G3BP2: variants seen among roughly 807,000 people sequenced by gnomAD.
G3BP2 encodes ras GTPase-activating protein-binding protein 2.
Under a neutral mutation model 56.7 loss-of-function variants are expected in G3BP2, and 11 were observed. The observed-to-expected ratio is 0.19, with a 90% confidence interval of 0.12 to 0.32. The LOEUF (loss-of-function observed/expected upper bound fraction) is 0.32, where lower values mean the gene tolerates loss of function less well. Among genes scored for constraint, G3BP2 ranks in the 10% least tolerant of loss-of-function variants. G3BP2 has a pLI of 1.00. For synonymous variants in G3BP2, 165 were observed against 191.6 expected (o/e 0.86, Z 1.15); for missense variants, 340 against 610.9 (o/e 0.56, Z 4.67).
intron 1 of G3BP2, among the ~76,000 whole-genome samples, chr4:75,668,643 G>T (rs560542042): frequency 6.6e-6 from 1 of 152,170 alleles, no homozygotes; most frequent in Non-Finnish European, 1.5e-5. Context: ...AAAAAAGTAA[G>T]ATTAGGCCAT....
intron 3 of G3BP2, among the ~76,000 whole-genome samples, chr4:75,685,501 A>C (rs1430788984): frequency 1.3e-5 from 1 of 79,936 alleles, no homozygotes; most frequent in East Asian, 2.3e-4. Context: ...ACTCCGTCTC[A>C]AAAAAAAAAA....
At chr4:75,656,560 G>T (rs1013873316) in intron 5 of G3BP2, among the ~76,000 whole-genome samples, 8 of 151,936 alleles carry the variant, frequency 5.3e-5, no homozygotes, top group Non-Finnish European at 1.0e-4. Context: ...AACATAGACA[G>T]CCAACAAAGA....
chr4:75,696,200 A>G (rs533661317), intron 3 of G3BP2, among the ~76,000 whole-genome samples: 31 of 152,288 alleles, frequency 2.0e-4, no homozygotes, highest in Non-Finnish European at 3.8e-4. Context: ...GCAAGGGGTT[A>G]AGAGAGTAGG....
intron 1 of G3BP2, among the ~76,000 whole-genome samples, chr4:75,665,378 T>C (rs1732925705): frequency 6.6e-6 from 1 of 152,216 alleles, no homozygotes; most frequent in African/African-American, 2.4e-5. Flanking sequence ...CAGGTGTCAT[T>C]GATTTTCCAG....
chr4:75,645,922 C>CA (rs989991833), intron 11 of G3BP2, among the ~76,000 whole-genome samples: 1 of 152,092 alleles, frequency 6.6e-6, no homozygotes, highest in African/African-American at 2.4e-5. Flanking sequence ...GTGATACTCC[C>CA]ACCTCAGCCT....
rs111934213 is a variant in G3BP2, at chr4:75,672,166, T to G, written c.-25+1042A>C. Reference sequence around the variant, plus strand: ...CAGCTAAAAGTGCAAGTGCCTTTTTTTTGTTGTTGTTATGAAGGAAAAGGC... The same window carrying G: ...CAGCTAAAAGTGCAAGTGCCTTTTTGTTGTTGTTGTTATGAAGGAAAAGGC... On this transcript the variant is annotated intron_variant, in intron 1 of 11. Transcript: ENST00000359707. Among the ~76,000 whole-genome samples, 70 of 152,292 alleles carry G rather than the reference T, an allele frequency of 4.6e-4. 1 individual carries two copies. In the East Asian group the frequency reaches 0.011, roughly 23 times the overall value.
At chr4:75,694,218 T>C (rs1719000790) in intron 3 of G3BP2, among the ~76,000 whole-genome samples, 1 of 152,220 alleles carries the variant, frequency 6.6e-6, no homozygotes, top group African/African-American at 2.4e-5. Context: ...AGGCCTCAAA[T>C]AGCACATTGA....
chr4:75,714,771 T>C lies in G3BP2; in HGVS notation c.-25+6106A>G, dbSNP rs567338778. ...AAGGCACACTCATTTGTAGATACTTTTTCCCCTTCACCTTTGCCCCTTTTC... is the reference window on the plus strand; with the variant it reads ...AAGGCACACTCATTTGTAGATACTTCTTCCCCTTCACCTTTGCCCCTTTTC... On this transcript the variant is annotated intron_variant, in intron 3 of 3. Transcript: ENST00000499709. 4.6e-5 allele frequency among the ~76,000 whole-genome samples: 7 copies of C among 152,294 alleles called. No homozygotes were observed. In the East Asian group the frequency reaches 1.4e-3, roughly 29 times the overall value.
intron 5 of G3BP2, 147 bp downstream of exon 5, chr4:75,656,777 G>T: frequency 1.7e-6 from 1 of 600,084 alleles, no homozygotes; most frequent in Non-Finnish European, 2.9e-6. Context: ...TTGTAACAAC[G>T]ACAACAACAA....
chr4:75,666,167 T>C (rs1463766000), intron 1 of G3BP2, among the ~76,000 whole-genome samples: 4 of 152,230 alleles, frequency 2.6e-5, no homozygotes, highest in African/African-American at 9.6e-5. Flanking sequence ...AATTGCCCAC[T>C]ATCTACATGG....
At chr4:75,698,301 C>T (rs1719205776) in intron 3 of G3BP2, among the ~76,000 whole-genome samples, 1 of 152,104 alleles carries the variant, frequency 6.6e-6, no homozygotes, top group Non-Finnish European at 1.5e-5. Flanking sequence ...GTTGGTGGCT[C>T]TGAAGACGAA....
chr4:75,664,810 C>CT (rs1249288616), intron 1 of G3BP2, among the ~76,000 whole-genome samples: 1 of 152,074 alleles, frequency 6.6e-6, no homozygotes, highest in Non-Finnish European at 1.5e-5. Flanking sequence ...GATCACACCA[C>CT]TGCACTCCAG....
At chr4:75,698,910 G>T (rs1179426220) in intron 3 of G3BP2, among the ~76,000 whole-genome samples, 2 of 151,984 alleles carry the variant, frequency 1.3e-5, no homozygotes, top group Non-Finnish European at 2.9e-5. Context: ...TGCCCAGGTT[G>T]GTGTCAAACT....
chr4:75,703,626 A>G (rs1279012992), intron 3 of G3BP2, among the ~76,000 whole-genome samples: 1 of 152,194 alleles, frequency 6.6e-6, no homozygotes. Context: ...GGGATACAAG[A>G]TAGCAAGAGG....
chr4:75,646,154 C>G (rs1404984895), intron 11 of G3BP2, among the ~76,000 whole-genome samples, 184 bp downstream of exon 11: 1 of 152,146 alleles, frequency 6.6e-6, no homozygotes. Flanking sequence ...CCTTCTTCAG[C>G]AAAGCAAGTA....
chr4:75,692,825 G>C (rs189613191), intron 3 of G3BP2, among the ~76,000 whole-genome samples: 2 of 152,318 alleles, frequency 1.3e-5, no homozygotes, highest in Non-Finnish European at 1.5e-5. Flanking sequence ...CAACATGGAG[G>C]GTCTTGAAGG....
In G3BP2 at chr4:75,673,193, G is replaced by A. The variant is rs1450406550; in HGVS notation, c.-25+15C>T. 1 of 1,197,480 alleles carries A rather than the reference G, an allele frequency of 8.4e-7. No individual in the cohort carries two copies. The highest frequency in any genetic ancestry group is 4.4e-5 in the Admixed American group (1 of 22,598). The allele number at this position is 1,197,480 out of a possible 1,614,324, so 74.2% of individuals were successfully genotyped here. On this transcript the variant is annotated intron_variant, in intron 1 of 11. Transcript: ENST00000359707. ...GACCACCACACCGACCTCCCCTCCC[G>A]GCGCCCGTACACACCTCCAGCCAAC...
At chr4:75,698,574 C>T (rs545576071) in intron 3 of G3BP2, among the ~76,000 whole-genome samples, 64 of 152,298 alleles carry the variant, frequency 4.2e-4, no homozygotes, top group African/African-American at 1.4e-3. Context: ...TACCCTCCTA[C>T]TCTCCTAGAC....
In G3BP2 at chr4:75,658,843, A is replaced by G; in HGVS notation, c.177T>C (p.Asn59=). The change falls in exon 3 of 12, where the codon AAT becomes AAC. Residue 59 remains asparagine (N), a splice_region_variant and synonymous_variant. Transcript: ENST00000359707. ...AACTACATATGAAATTGATACTTACATTTTGGCCATAAACAGCTTCCTGGG... is the reference window on the plus strand; with the variant it reads ...AACTACATATGAAATTGATACTTACGTTTTGGCCATAAACAGCTTCCTGGG... ...GKPQEAVYGQ[N]DIHHKVLSLN... 1 of 1,585,268 alleles carries G rather than the reference A, an allele frequency of 6.3e-7. No individual in the cohort carries two copies.
Sources: allele counts gnomAD v4.1 joint callset (sites outside exome capture counted in the v4.1 genomes callset), GRCh38; gene constraint gnomAD v4.1.1; transcripts MANE v1.5; gene names NCBI Gene and HGNC (gene_info 2026-07-23, HGNC 2026-07-21).